The following LHPP variants were observed in gnomAD, a reference collection of about 807,000 sequenced individuals.
LHPP encodes hLHPP.
Under a neutral mutation model 30.3 loss-of-function variants are expected in LHPP, and 24 were observed. The observed-to-expected ratio is 0.79, with a 90% CI of 0.57 to 1.11. The LOEUF (loss-of-function observed/expected upper bound fraction) is 1.11, where lower values mean the gene tolerates loss of function less well. Among genes scored for constraint, LHPP ranks in the 50% most tolerant of loss-of-function variants. The pLI is 0.00. For missense variants in LHPP, 356 were observed against 367.2 expected, an observed-to-expected ratio of 0.97 and a Z score of 0.25; for synonymous variants, 150 against 157.1, an observed-to-expected ratio of 0.95 and a Z score of 0.34.
At chr10:124,579,360 G>A (rs1406802060) in intron 6 of LHPP, among the ~76,000 whole-genome samples, 4 of 152,222 alleles carry the variant, frequency 2.6e-5, no homozygotes, top group Admixed American at 2.6e-4. Context: ...GGCGCCAACA[G>A]GGGAAAACTT....
At chr10:124,526,114 T>A (rs1954726570) in intron 6 of LHPP, 1 of 908,944 alleles carries the variant, frequency 1.1e-6, no homozygotes, top group Admixed American at 6.2e-5. Context: ...GGACAGGGAT[T>A]GAGGGAGCGT....
At chr10:124,555,352 C>G (rs1253255266) in intron 6 of LHPP, among the ~76,000 whole-genome samples, 1 of 152,206 alleles carries the variant, frequency 6.6e-6, no homozygotes, top group Non-Finnish European at 1.5e-5. Flanking sequence ...GATGGGGGCT[C>G]TACAAGGCAC....
At chr10:124,531,651 G>A (rs771199571) in intron 6 of LHPP, among the ~76,000 whole-genome samples, 6 of 152,242 alleles carry the variant, frequency 3.9e-5, no homozygotes, top group Non-Finnish European at 5.9e-5. Flanking sequence ...CAAGTTACGC[G>A]TTTGGGGCTA....
intron 6 of LHPP, among the ~76,000 whole-genome samples, chr10:124,583,912 G>A (rs919651528): frequency 6.6e-6 from 1 of 152,146 alleles, no homozygotes; most frequent in Non-Finnish European, 1.5e-5. Context: ...CATGATTACT[G>A]TTCCTTTGTA....
intron 6 of LHPP, among the ~76,000 whole-genome samples, chr10:124,569,090 G>A (rs1050444855): frequency 1.7e-4 from 26 of 152,130 alleles, no homozygotes; most frequent in Admixed American, 8.5e-4. Flanking sequence ...TGTGCCCTGG[G>A]GTCTTGTCCC....
rs562438523 is a variant in LHPP, at chr10:124,567,397, G to A, written c.717-45867G>A. ...CTCAGCCGCTGCCTGCCCTCCACGC[G>A]CCCCTGGCTGCCTCTCTCAGCCTCG... On this transcript the variant is annotated intron_variant, in intron 6 of 6. Coordinates refer to ENST00000368842, the MANE Select transcript of LHPP (RefSeq NM_022126.4). 1.7e-4 allele frequency among the ~76,000 whole-genome samples: 26 copies of A among 152,342 alleles called. No homozygotes were observed. In the South Asian group the frequency reaches 4.6e-3, roughly 27 times the overall value.
chr10:124,495,181 C>T (rs996149001), intron 3 of LHPP, among the ~76,000 whole-genome samples: 13 of 152,152 alleles, frequency 8.5e-5, no homozygotes, highest in African/African-American at 2.9e-4. Flanking sequence ...AAAGGGAGGG[C>T]ATTTTCAGGT....
chr10:124,491,921 T>C (rs908967146), intron 3 of LHPP, among the ~76,000 whole-genome samples: 3 of 152,168 alleles, frequency 2.0e-5, no homozygotes, highest in African/African-American at 7.2e-5. Flanking sequence ...CAAGACTCCA[T>C]CTCGAAAAAA....
At chr10:124,462,423 C>G (rs550672713) in intron 1 of LHPP, among the ~76,000 whole-genome samples, 1 of 151,854 alleles carries the variant, frequency 6.6e-6, no homozygotes, top group African/African-American at 2.4e-5. Flanking sequence ...AGGGAGACCC[C>G]GTCTCTGCCA....
At chr10:124,567,862 G>A (rs1359659498) in intron 6 of LHPP, among the ~76,000 whole-genome samples, 1 of 152,258 alleles carries the variant, frequency 6.6e-6, no homozygotes, top group Non-Finnish European at 1.5e-5. Flanking sequence ...GGCTCACTGT[G>A]ATCTGCTCTA....
chr10:124,584,093 C>T (rs71488613), intron 6 of LHPP, among the ~76,000 whole-genome samples: 20,242 of 151,898 alleles, frequency 0.13, 1,819 homozygotes, highest in Non-Finnish European at 0.2. Flanking sequence ...CATCCGTAGC[C>T]CAATTTGGGG....
intron 6 of LHPP, among the ~76,000 whole-genome samples, chr10:124,563,309 T>TTATTTTC: frequency 2.7e-4 from 1 of 3,674 alleles, no homozygotes; most frequent in East Asian, 0.015. Flanking sequence ...CTCTCTCTCT[T>TTATTTTC]TTTCTTTTTT....
chr10:124,463,680 A>AT lies in LHPP; in HGVS notation c.125+1693_125+1694insT, dbSNP rs1952469535. On this transcript the variant is annotated intron_variant, in intron 1 of 6. Transcript: ENST00000368842. ...ACCTGGCTGACACTTTTCTTTGTAT[A>AT]ATTTTTTTTTTTGAGACAAGGTCTC... Among the ~76,000 whole-genome samples the AT allele has an allele frequency of 5.8e-5, 5 of 86,500 alleles. No homozygotes were observed. In the Admixed American group the frequency reaches 6.4e-4, roughly 11 times the overall value. The allele number at this position is 86,500 out of a possible 152,430, so 56.7% of individuals were successfully genotyped here. A position where few individuals can be genotyped will look rare whatever the true frequency, so the allele number is the denominator to read the frequency against.
At chr10:124,551,509 A>G (rs534531139) in intron 6 of LHPP, among the ~76,000 whole-genome samples, 2 of 152,232 alleles carry the variant, frequency 1.3e-5, no homozygotes, top group South Asian at 4.1e-4. Flanking sequence ...CCCTCACCAG[A>G]TCACAGGACC....
At chr10:124,561,186 C>T (rs1292424672) in intron 6 of LHPP, among the ~76,000 whole-genome samples, 4 of 152,304 alleles carry the variant, frequency 2.6e-5, no homozygotes, top group South Asian at 4.1e-4. Flanking sequence ...AGACAGAAAA[C>T]ATTTAGGCAA....
At position 124,515,182 on chromosome 10, in the gene LHPP, T is replaced by G. The variant is rs1954418657; in HGVS notation, c.625-1998T>G. On this transcript the variant is annotated intron_variant, in intron 5 of 6. Transcript: ENST00000368842. The stretch of plus-strand genomic sequence containing the variant: ...CCATAGCTCACTGATGCTCTGTTCA[T>G]TTTTGAAAATAATTTTTCTGCCTCT... Among the ~76,000 whole-genome samples, 4 of 152,346 alleles carry G rather than the reference T, an allele frequency of 2.6e-5. No individual in the cohort carries two copies. The South Asian group carries it at 8.3e-4, about 32-fold the overall frequency.
chr10:124,557,109 C>T (rs867788634), intron 6 of LHPP, among the ~76,000 whole-genome samples: 19 of 152,168 alleles, frequency 1.2e-4, no homozygotes, highest in Admixed American at 5.2e-4. Context: ...CTGGAGTCCA[C>T]GCGGACCAGG....
chr10:124,592,277 T>G lies in LHPP; in HGVS notation c.717-20987T>G, dbSNP rs1948889851. Among the ~76,000 whole-genome samples, 1 of 152,106 alleles carries G rather than the reference T, an allele frequency of 6.6e-6. No homozygotes were observed. The highest frequency in any genetic ancestry group is 2.4e-5 in the African/African-American group (1 of 41,424). Reference sequence around the variant, plus strand: ...CCTGGCAGATGGCACCCGGGCCTGATGGCTCCTCAACCCTCTCAGCACCCC... The same window carrying G: ...CCTGGCAGATGGCACCCGGGCCTGAGGGCTCCTCAACCCTCTCAGCACCCC... On this transcript the variant is annotated intron_variant, in intron 6 of 6. Transcript: ENST00000368842. The surrounding 1 kb of genome is among the most constrained non-coding windows in gnomAD (Gnocchi z 6.2).
At chr10:124,531,034 C>T (rs1954889097) in intron 6 of LHPP, among the ~76,000 whole-genome samples, 2 of 152,334 alleles carry the variant, frequency 1.3e-5, no homozygotes, top group South Asian at 4.1e-4. Context: ...GATGAGGACA[C>T]GCCCACCCGC....
Sources: gnomAD v4.1 joint callset for allele counts (sites outside exome capture counted in the v4.1 genomes callset) on GRCh38, gnomAD v4.1.1 for gene constraint, Gnocchi (gnomAD v3.1) non-coding constraint, MANE v1.5 for transcripts, NCBI Gene and HGNC (gene_info 2026-07-23, HGNC 2026-07-21) for gene names.